The following CRB1 variants were observed in gnomAD, a reference collection of about 807,000 sequenced individuals.
CRB1 encodes the protein crumbs cell polarity complex component 1, also known as protein crumbs homolog 1.
In CRB1, 83 loss-of-function variants were observed where a neutral mutation model predicts 120.0. The ratio of observed to expected loss-of-function variants is 0.69; its 90% CI spans 0.58 to 0.83. The LOEUF is 0.83. Among genes scored for constraint, CRB1 ranks in the 40% least tolerant of loss-of-function variants. The pLI is 0.00. For synonymous variants in CRB1, 625 were observed against 612.5 expected, an observed-to-expected ratio of 1.02 and a Z score of -0.30; for missense variants, 1,699 against 1,687.6, an observed-to-expected ratio of 1.01 and a Z score of -0.12.
chr1:197,273,974 C>T (rs897875064), intron 1 of CRB1, among the ~76,000 whole-genome samples: 1 of 152,018 alleles, frequency 6.6e-6, no homozygotes, highest in African/African-American at 2.4e-5. Context: ...TTTAGGCAAT[C>T]TCAGCTGAAA....
chr1:197,467,543 A>C (rs1375948722), intron 11 of CRB1, among the ~76,000 whole-genome samples: 1 of 152,190 alleles, frequency 6.6e-6, no homozygotes, highest in East Asian at 1.9e-4. Flanking sequence ...GGATACAATC[A>C]ATTGCATTTA....
At chr1:197,297,434 T>C (rs912530838) in intron 1 of CRB1, among the ~76,000 whole-genome samples, 1 of 152,060 alleles carries the variant, frequency 6.6e-6, no homozygotes, top group African/African-American at 2.4e-5. Flanking sequence ...GCTTGATCAA[T>C]TGTATGGCCA....
the CRB1 span, among the ~76,000 whole-genome samples, chr1:197,233,819 C>T: frequency 6.6e-6 from 1 of 152,186 alleles, no homozygotes; most frequent in South Asian, 2.1e-4. Context: ...AGTACATGGG[C>T]CTAATCATTT....
At chr1:197,224,531 A>G in the CRB1 span, among the ~76,000 whole-genome samples, 1 of 152,166 alleles carries the variant, frequency 6.6e-6, no homozygotes, top group South Asian at 2.1e-4. Context: ...GAAACTTTAA[A>G]TAAATGAAAT....
At chr1:197,409,539 C>T (rs560668006) in intron 5 of CRB1, among the ~76,000 whole-genome samples, 1 of 152,016 alleles carries the variant, frequency 6.6e-6, no homozygotes, top group South Asian at 2.1e-4. Flanking sequence ...AGGTACTATA[C>T]TTTTTAATAT....
chr1:197,328,043 CAATTA>C (rs1342819377), intron 1 of CRB1, among the ~76,000 whole-genome samples: 1 of 152,168 alleles, frequency 6.6e-6, no homozygotes, highest in East Asian at 1.9e-4. Context: ...CTGAAAATAG[CAATTA>C]AACTCTACAT....
chr1:197,375,169 A>G (rs926265729), intron 5 of CRB1, among the ~76,000 whole-genome samples: 6 of 152,192 alleles, frequency 3.9e-5, no homozygotes, highest in Non-Finnish European at 8.8e-5. Flanking sequence ...TTATAAAGGA[A>G]TGAGTTAGCC....
At chr1:197,237,543 C>T in the CRB1 span, among the ~76,000 whole-genome samples, 4 of 152,188 alleles carry the variant, frequency 2.6e-5, no homozygotes, top group African/African-American at 9.7e-5. Context: ...GGGACACAAA[C>T]ATTCAGACAA....
At chr1:197,460,581 C>T (rs914495775) in intron 11 of CRB1, among the ~76,000 whole-genome samples, 1 of 152,108 alleles carries the variant, frequency 6.6e-6, no homozygotes, top group Non-Finnish European at 1.5e-5. Flanking sequence ...TCATTTAGTT[C>T]TAACCATCAT....
the CRB1 span, among the ~76,000 whole-genome samples, chr1:197,213,746 A>T: frequency 2.0e-5 from 3 of 152,200 alleles, no homozygotes; most frequent in Admixed American, 2.0e-4. Flanking sequence ...AAAATTTACA[A>T]ACATATGAAG....
intron 11 of CRB1, among the ~76,000 whole-genome samples, chr1:197,463,931 T>A (rs1666640598): frequency 1.3e-5 from 2 of 152,176 alleles, no homozygotes; most frequent in South Asian, 4.1e-4. Context: ...TACTCTGGGT[T>A]CCTGAAACTA....
At chr1:197,222,487 T>A in the CRB1 span, 1 of 769,004 alleles carries the variant, frequency 1.3e-6, no homozygotes, top group Non-Finnish European at 2.4e-6. Context: ...CCAGGCAGTG[T>A]CATTTCATAC....
intron 5 of CRB1, among the ~76,000 whole-genome samples, chr1:197,416,044 A>C (rs998671731): frequency 3.9e-5 from 6 of 152,194 alleles, no homozygotes; most frequent in Non-Finnish European, 7.3e-5. Context: ...CCTTCTCCAG[A>C]GGCTCTGCAG....
rs147362949 is a variant in CRB1 at position 197,305,548 on chromosome 1, G to T, written c.71-22874G>T. Among the ~76,000 whole-genome samples the T allele has an allele frequency of 6.8e-3, 1,038 of 151,736 alleles. 13 individuals are homozygous for T. The highest frequency in any genetic ancestry group is 0.032 in the East Asian group (167 of 5,172). On this transcript the variant is annotated intron_variant, in intron 1 of 11. Coordinates refer to ENST00000367400, the MANE Select transcript of CRB1 (RefSeq NM_201253.3). ...TATTATTTATATATACATATATATAGAGAGAGAAGAGAAATAATTATGCGG... is the reference window on the plus strand; with the variant it reads ...TATTATTTATATATACATATATATATAGAGAGAAGAGAAATAATTATGCGG...
At chr1:197,294,126 AACCT>A (rs1656369343) in intron 1 of CRB1, among the ~76,000 whole-genome samples, 2 of 152,232 alleles carry the variant, frequency 1.3e-5, no homozygotes, top group Non-Finnish European at 2.9e-5. Flanking sequence ...GTGAAAAGGC[AACCT>A]AAAGAATGGG....
intron 1 of CRB1, among the ~76,000 whole-genome samples, chr1:197,322,963 T>C (rs915066157): frequency 3.9e-5 from 6 of 152,174 alleles, no homozygotes; most frequent in Non-Finnish European, 7.3e-5. Flanking sequence ...GAAACTCAAT[T>C]CCATATTTAT....
chr1:197,280,218 A>G (rs1655443911), intron 1 of CRB1, among the ~76,000 whole-genome samples: 1 of 151,784 alleles, frequency 6.6e-6, no homozygotes, highest in African/African-American at 2.4e-5. Context: ...CAGCATGGAA[A>G]CTCTGCAAAC....
chr1:197,389,212 C>T (rs1662367826), intron 5 of CRB1, among the ~76,000 whole-genome samples: 1 of 152,050 alleles, frequency 6.6e-6, no homozygotes, highest in Non-Finnish European at 1.5e-5. Context: ...TGGATACACA[C>T]CTTAAAGAGG....
intron 7 of CRB1, among the ~76,000 whole-genome samples, chr1:197,428,399 T>A (rs1232389911): frequency 6.6e-6 from 1 of 152,240 alleles, no homozygotes; most frequent in Non-Finnish European, 1.5e-5. Flanking sequence ...TGTTTTGAAC[T>A]TTTATTAAGT....
Sources: gnomAD v4.1 joint callset for allele counts (sites outside exome capture counted in the v4.1 genomes callset) on GRCh38, gnomAD v4.1.1 for gene constraint, MANE v1.5 for transcripts, NCBI Gene and HGNC (gene_info 2026-07-23, HGNC 2026-07-21) for gene names.